DYNC1I2: variants seen among roughly 807,000 people sequenced by gnomAD.
DYNC1I2 encodes the protein cytoplasmic dynein 1 intermediate chain 2.
Under a neutral mutation model 88.6 loss-of-function variants are expected in DYNC1I2, and 53 were observed. That is an observed-to-expected ratio of 0.60 (90% CI 0.48 to 0.75). The LOEUF is 0.75. Ranked by LOEUF, DYNC1I2 falls within the 30% of genes least tolerant of loss-of-function variation. The pLI, the probability that DYNC1I2 is intolerant of heterozygous loss-of-function variation, is 0.00. For missense variants in DYNC1I2, 458 were observed against 766.6 expected (o/e 0.60, Z 4.75); for synonymous variants, 198 against 254.6 (o/e 0.78, Z 2.12).
chr2:171,698,447 C>T (rs112964644), intron 3 of DYNC1I2, among the ~76,000 whole-genome samples: 1 of 152,152 alleles, frequency 6.6e-6, no homozygotes, highest in African/African-American at 2.4e-5. Flanking sequence ...TGCAGTGGTG[C>T]GATTTTGGCT....
chr2:171,692,359 A>G (rs1426441821), intron 2 of DYNC1I2, among the ~76,000 whole-genome samples: 1 of 152,178 alleles, frequency 6.6e-6, no homozygotes, highest in Non-Finnish European at 1.5e-5. Context: ...TTCACTTAAA[A>G]TTTGTTACCT....
chr2:171,700,173 G>A (rs929921519), intron 3 of DYNC1I2, among the ~76,000 whole-genome samples: 6 of 152,154 alleles, frequency 3.9e-5, no homozygotes, highest in East Asian at 3.9e-4. Context: ...TGGCAAGTTG[G>A]TGTTGGTTGC....
intron 17 of DYNC1I2, among the ~76,000 whole-genome samples, chr2:171,747,474 TC>T (rs967862589): frequency 4.8e-4 from 73 of 152,208 alleles, no homozygotes; most frequent in African/African-American, 1.7e-3. Flanking sequence ...GGAATTCCTC[TC>T]CAGCAAAATC....
Position 171,725,620 on chromosome 2 carries a change from GA to G in DYNC1I2, c.516del (p.Glu173ArgfsTer6). On this transcript the variant is annotated frameshift_variant, in exon 8 of 18. Transcript: ENST00000397119. LOFTEE classifies it high-confidence loss of function. Reference sequence around the variant, plus strand: ...TTTGTTTTTTTTTTTTTTTTCAGATGAAGAGGAAGATGATGATGTAGTGGCT... The same window carrying G: ...TTTGTTTTTTTTTTTTTTTTCAGATGAGAGGAAGATGATGATGTAGTGGCT... ...TPVMAQPKED[E>X]EEDDDVVAPK... The G allele has an allele frequency of 1.1e-6, 1 of 878,606 alleles. No individual in the cohort carries two copies. The highest frequency in any genetic ancestry group is 1.6e-6 in the Non-Finnish European group (1 of 608,632). 54.4% of individuals were successfully genotyped at this position (878,606 alleles called of 1,614,324 possible).
At chr2:171,714,268 A>G (rs1361492679) in intron 6 of DYNC1I2, among the ~76,000 whole-genome samples, 3 of 152,154 alleles carry the variant, frequency 2.0e-5, no homozygotes, top group African/African-American at 7.2e-5. Context: ...TTGGAACATT[A>G]ATTTTTAAAA....
At position 171,747,854 on chromosome 2, in the gene DYNC1I2, G is replaced by A. The variant is rs749319794; in HGVS notation, c.1882G>A (p.Ala628Thr). ...AGAAATTAATGCAAACCGAGCTGAT[G>A]CAGAGGAGGAAGCAGCTACCCGAAT... Reference protein sequence around the residue: ...LAEINANRADAEEEAATRIPA With the variant: ...LAEINANRADTEEEAATRIPA The change falls in exon 18 of 18, where the codon GCA (alanine) becomes ACA (threonine). Residue 628 changes from alanine to threonine, a missense_variant. Coordinates refer to ENST00000397119, the MANE Select transcript of DYNC1I2 (RefSeq NM_001378.3). 1 of 1,611,058 alleles carries A rather than the reference G, an allele frequency of 6.2e-7. No individual in the cohort carries two copies.
intron 7 of DYNC1I2, among the ~76,000 whole-genome samples, chr2:171,724,566 C>T (rs1000605583): frequency 3.3e-5 from 5 of 152,134 alleles, no homozygotes; most frequent in African/African-American, 1.2e-4. Context: ...CAGCTGGTTC[C>T]CATTCTTGAC....
intron 15 of DYNC1I2, among the ~76,000 whole-genome samples, chr2:171,735,218 A>G (rs1688923289): frequency 6.6e-6 from 1 of 152,220 alleles, no homozygotes; most frequent in Non-Finnish European, 1.5e-5. Flanking sequence ...TTTAGTTTAA[A>G]GCAATCTACT....
At chr2:171,700,156 A>AC (rs1686136843) in intron 3 of DYNC1I2, among the ~76,000 whole-genome samples, 2 of 152,324 alleles carry the variant, frequency 1.3e-5, no homozygotes, top group Non-Finnish European at 2.9e-5. Context: ...TGGTTCGTTC[A>AC]CATGGCTGGC....
chr2:171,731,793 T>G (rs926668723), intron 15 of DYNC1I2, among the ~76,000 whole-genome samples: 5 of 113,078 alleles, frequency 4.4e-5, no homozygotes, highest in Non-Finnish European at 6.7e-5. Context: ...GCTGTGACCT[T>G]GAACTGGGAA....
At chr2:171,707,594 G>T (rs1025971111) in intron 5 of DYNC1I2, among the ~76,000 whole-genome samples, 1 of 151,744 alleles carries the variant, frequency 6.6e-6, no homozygotes, top group African/African-American at 2.4e-5. Context: ...AATTAACTTA[G>T]TACTAAATAG....
At chr2:171,739,681 G>T (rs1689262637) in intron 15 of DYNC1I2, among the ~76,000 whole-genome samples, 1 of 140,300 alleles carries the variant, frequency 7.1e-6, no homozygotes, top group African/African-American at 2.6e-5. Flanking sequence ...CCATCCATTT[G>T]CGATTGACAT....
intron 1 of DYNC1I2, chr2:171,688,110 T>C (rs1311584434): frequency 3.9e-5 from 6 of 152,318 alleles, no homozygotes; most frequent in African/African-American, 1.4e-4. Context: ...CCCACTGGCT[T>C]CTTCCGGACG....
intron 6 of DYNC1I2, among the ~76,000 whole-genome samples, chr2:171,713,601 T>A (rs1158384985): frequency 6.6e-6 from 1 of 152,092 alleles, no homozygotes; most frequent in Non-Finnish European, 1.5e-5. Flanking sequence ...GATAAGATTA[T>A]CCATCCATTC....
At chr2:171,708,067 T>TCACACA (rs71013065) in intron 5 of DYNC1I2, among the ~76,000 whole-genome samples, 1 of 149,338 alleles carries the variant, frequency 6.7e-6, no homozygotes, top group Non-Finnish European at 1.5e-5. Flanking sequence ...TTTGTCTCTC[T>TCACACA]CACACACACA....
chr2:171,699,591 A>AGTGTGTGTGTGT (rs3223500), intron 3 of DYNC1I2, among the ~76,000 whole-genome samples: 152 of 137,818 alleles, frequency 1.1e-3, no homozygotes, highest in African/African-American at 2.2e-3. Flanking sequence ...CATCATTTGG[A>AGTGTGTGTGTGT]GTGTGTGTGT....
Position 171,729,971 on chromosome 2 carries a change from C to T in DYNC1I2, c.1536+118C>T, listed in dbSNP as rs368507768. On this transcript the variant is annotated intron_variant, in intron 15 of 17. Transcript: ENST00000397119. ...CATAATTGTTTGCTAATAGATGAAG[C>T]CTGCTAGGAAGTTACACAGAGCATG... 21 of 1,225,788 alleles carry T rather than the reference C, an allele frequency of 1.7e-5. No homozygotes were observed. The East Asian group carries it at 2.8e-4, about 16-fold the overall frequency. The allele number at this position is 1,225,788 out of a possible 1,614,324, so 75.9% of individuals were successfully genotyped here. A position where few individuals can be genotyped will look rare whatever the true frequency, so the allele number is the denominator to read the frequency against.
At chr2:171,740,794 T>A (rs192896963) in intron 15 of DYNC1I2, among the ~76,000 whole-genome samples, 4 of 152,328 alleles carry the variant, frequency 2.6e-5, no homozygotes, top group Admixed American at 6.5e-5. Context: ...AAGTAACAGT[T>A]TTATTGAGCA....
intron 11 of DYNC1I2, among the ~76,000 whole-genome samples, chr2:171,727,486 C>T (rs1027802397): frequency 3.3e-5 from 5 of 152,082 alleles, no homozygotes; most frequent in African/African-American, 1.2e-4. Flanking sequence ...AGCGTGTACT[C>T]TACTGTTAGA....
Sources: allele counts gnomAD v4.1 joint callset (sites outside exome capture counted in the v4.1 genomes callset), GRCh38; gene constraint gnomAD v4.1.1; transcripts MANE v1.5; gene names NCBI Gene and HGNC (gene_info 2026-07-23, HGNC 2026-07-21).